The following HS6ST3 variants were observed in gnomAD, a reference collection of about 807,000 sequenced individuals.
HS6ST3 encodes heparan-sulfate 6-O-sulfotransferase 3.
In HS6ST3, 12 loss-of-function variants were observed where a neutral mutation model predicts 36.7. That is an observed-to-expected ratio of 0.33 (90% CI 0.21 to 0.53). The LOEUF is 0.53. HS6ST3 is among the 20% of genes least tolerant of loss of function. The pLI is 0.95. For synonymous variants in HS6ST3, 240 were observed against 257.5 expected (o/e 0.93, Z 0.65); for missense variants, 584 against 640.9 (o/e 0.91, Z 0.96).
intron 1 of HS6ST3, among the ~76,000 whole-genome samples, chr13:96,442,601 T>G (rs1566362328): frequency 6.6e-6 from 1 of 151,996 alleles, no homozygotes; most frequent in Non-Finnish European, 1.5e-5. Context: ...GATGAGAATT[T>G]AAAAAATGAA....
At chr13:96,252,761 G>A (rs899084475) in intron 1 of HS6ST3, among the ~76,000 whole-genome samples, 1 of 151,966 alleles carries the variant, frequency 6.6e-6, no homozygotes, top group Admixed American at 6.6e-5. Context: ...CTGGCTTGGC[G>A]CTGCCCTCAC....
intron 1 of HS6ST3, among the ~76,000 whole-genome samples, chr13:96,337,451 G>C (rs553218088): frequency 2.2e-4 from 33 of 152,286 alleles, no homozygotes; most frequent in Non-Finnish European, 2.6e-4. Flanking sequence ...CCCTGAGAAG[G>C]GTTCGTGGGA....
At chr13:96,142,186 T>G (rs539699310) in intron 1 of HS6ST3, among the ~76,000 whole-genome samples, 1 of 152,198 alleles carries the variant, frequency 6.6e-6, no homozygotes, top group Non-Finnish European at 1.5e-5. Context: ...ATTAGTATAC[T>G]AAAAGGAAAT....
chr13:96,484,372 A>C (rs1281825642), intron 1 of HS6ST3, among the ~76,000 whole-genome samples: 4 of 152,072 alleles, frequency 2.6e-5, no homozygotes, highest in Admixed American at 1.3e-4. Flanking sequence ...AGGCATATTC[A>C]ATGTTTCAAT....
rs2053872274 is a variant in HS6ST3, at chr13:96,112,340, T to C, written c.707+20771T>C. Among the ~76,000 whole-genome samples, 3 of 151,956 alleles carry C rather than the reference T, an allele frequency of 2.0e-5. No homozygotes were observed. The South Asian group carries it at 6.2e-4, about 32-fold the overall frequency. ...ATATAAGCTTTGGGATAATGTAAAA[T>C]TGGGCATATTTATGTTCCTTGGAAA... On this transcript the variant is annotated intron_variant, in intron 1 of 1. Transcript: ENST00000376705.
chr13:96,530,004 G>A lies in HS6ST3; in HGVS notation c.708-302486G>A, dbSNP rs146960495. On this transcript the variant is annotated intron_variant, in intron 1 of 1. Coordinates refer to ENST00000376705, the MANE Select transcript of HS6ST3 (RefSeq NM_153456.4). ...GTAACAGACCAGAAATTAGACTTGG[G>A]GCTGATCTTCAAGTTCTATGATTAG... is the stretch of plus-strand genomic sequence containing the variant. Among the ~76,000 whole-genome samples the A allele has an allele frequency of 4.3e-4, 66 of 152,162 alleles. 1 individual carries two copies. The highest frequency in any genetic ancestry group is 1.5e-3 in the African/African-American group (61 of 41,518).
chr13:96,674,317 A>G (rs1207229571), intron 1 of HS6ST3, among the ~76,000 whole-genome samples: 1 of 152,132 alleles, frequency 6.6e-6, no homozygotes, highest in African/African-American at 2.4e-5. Context: ...CAGCCTGTGG[A>G]ACCGTGAGCC....
At chr13:96,410,010 T>G (rs902265378) in intron 1 of HS6ST3, among the ~76,000 whole-genome samples, 1 of 152,004 alleles carries the variant, frequency 6.6e-6, no homozygotes, top group African/African-American at 2.4e-5. Flanking sequence ...TTAAATAAAA[T>G]AAAAAGAAAT....
rs397773858 is a variant in HS6ST3, at chr13:96,112,578, A to AATATACATATATATATACATATAT, written c.707+21014_707+21015insCATATATATATACATATATATATA. ...TAAAACCCCATCTCTAAAATAAATAAATATATATATATATATATATATATA... is the reference window on the plus strand; with the variant it reads ...TAAAACCCCATCTCTAAAATAAATAAATATACATATATATATACATATATATATATATATATATATATATATATA... On this transcript the variant is annotated intron_variant, in intron 1 of 1. Transcript: ENST00000376705. 1.4e-4 allele frequency among the ~76,000 whole-genome samples: 11 copies of AATATACATATATATATACATATAT among 81,248 alleles called. 1 individual carries two copies. Among genetic ancestry groups the AATATACATATATATATACATATAT allele is most frequent in the African/African-American group, 5.4e-4 (11 of 20,552 alleles). The allele number at this position is 81,248 out of a possible 152,430, so 53.3% of individuals were successfully genotyped here.
intron 1 of HS6ST3, among the ~76,000 whole-genome samples, chr13:96,331,574 C>T (rs965684822): frequency 6.6e-6 from 1 of 151,926 alleles, no homozygotes; most frequent in Non-Finnish European, 1.5e-5. Context: ...AGAACCACTG[C>T]TCTCTTCAAA....
chr13:96,316,942 C>T (rs559334188), intron 1 of HS6ST3, among the ~76,000 whole-genome samples: 1 of 152,178 alleles, frequency 6.6e-6, no homozygotes, highest in Admixed American at 6.5e-5. Context: ...CTGAAAATAG[C>T]ACAGTGTTGA....
At chr13:96,106,102 C>A (rs2053840232) in intron 1 of HS6ST3, among the ~76,000 whole-genome samples, 1 of 152,066 alleles carries the variant, frequency 6.6e-6, no homozygotes, top group Non-Finnish European at 1.5e-5. Context: ...ATTTTTGATT[C>A]AATATAAAAT....
At chr13:96,641,108 G>A (rs966074558) in intron 1 of HS6ST3, among the ~76,000 whole-genome samples, 8 of 151,934 alleles carry the variant, frequency 5.3e-5, no homozygotes, top group African/African-American at 1.9e-4. Context: ...TGGGTAGCTT[G>A]ATAAGATAGC....
chr13:96,641,582 A>G (rs970176772), intron 1 of HS6ST3, among the ~76,000 whole-genome samples: 2 of 151,816 alleles, frequency 1.3e-5, no homozygotes, highest in African/African-American at 2.4e-5. Context: ...CACTAATGCC[A>G]TGTCCATTAC....
chr13:96,123,253 T>A (rs1277489652), intron 1 of HS6ST3, among the ~76,000 whole-genome samples: 1 of 152,242 alleles, frequency 6.6e-6, no homozygotes, highest in Non-Finnish European at 1.5e-5. Flanking sequence ...TTAACAATCC[T>A]TGAGTTTTAT....
intron 1 of HS6ST3, among the ~76,000 whole-genome samples, chr13:96,239,535 G>T (rs140428673): frequency 6.6e-6 from 1 of 152,290 alleles, no homozygotes; most frequent in East Asian, 1.9e-4. Context: ...CAAATACAAT[G>T]CTTTTTGCAA....
At chr13:96,095,825 T>C (rs2053787471) in intron 1 of HS6ST3, among the ~76,000 whole-genome samples, 1 of 151,848 alleles carries the variant, frequency 6.6e-6, no homozygotes, top group African/African-American at 2.4e-5. Flanking sequence ...GATAAGGTTA[T>C]CTGACTCACC....
intron 1 of HS6ST3, among the ~76,000 whole-genome samples, chr13:96,661,628 T>C (rs1417707102): frequency 2.6e-5 from 4 of 152,148 alleles, no homozygotes; most frequent in Non-Finnish European, 5.9e-5. Flanking sequence ...AGGTTTTGTT[T>C]CTGTCATGAT....
chr13:96,404,549 T>C (rs2055467279), intron 1 of HS6ST3, among the ~76,000 whole-genome samples: 1 of 152,172 alleles, frequency 6.6e-6, no homozygotes, highest in African/African-American at 2.4e-5. Flanking sequence ...GTGAGAGTCA[T>C]GGCAGGAGAG....
Sources: gnomAD v4.1 joint callset for allele counts (sites outside exome capture counted in the v4.1 genomes callset) on GRCh38, gnomAD v4.1.1 for gene constraint, MANE v1.5 for transcripts, NCBI Gene and HGNC (gene_info 2026-07-23, HGNC 2026-07-21) for gene names.